The following RGS3 variants were observed in gnomAD, a reference collection of about 807,000 sequenced individuals.
RGS3 encodes the protein regulator of G protein signaling 3, also known as regulator of G-protein signalling 3.
A neutral mutation model predicts 132.6 loss-of-function variants in RGS3; 80 were observed. The observed-to-expected ratio is 0.60, with a 90% confidence interval of 0.50 to 0.73. RGS3 has a LOEUF of 0.73. Ranked by LOEUF, RGS3 falls within the 30% of genes least tolerant of loss-of-function variation. The probability of loss-of-function intolerance (pLI) is 0.00; values close to 1 mark genes in which losing one functional copy is unlikely to be tolerated. For missense variants in RGS3, 1,382 were observed against 1,530.8 expected (o/e 0.90, Z 1.62); for synonymous variants, 598 against 620.6 (o/e 0.96, Z 0.54).
At chr9:113,549,698 C>A (rs1294032874) in intron 19 of RGS3, among the ~76,000 whole-genome samples, 1 of 152,166 alleles carries the variant, frequency 6.6e-6, no homozygotes, top group Non-Finnish European at 1.5e-5. Context: ...TTCTAACCTG[C>A]TTTTTCTCCC....
chr9:113,463,591 C>A lies in RGS3; in HGVS notation c.415+1390C>A. The A allele has an allele frequency of 2.0e-6, 2 of 978,072 alleles. No individual in the cohort carries two copies. Among genetic ancestry groups the A allele is most frequent in the Admixed American group, 4.3e-5 (1 of 23,254 alleles). 60.6% of individuals were successfully genotyped at this position (978,072 alleles called of 1,614,324 possible). On this transcript the variant is annotated intron_variant, in intron 3 of 24. Coordinates refer to ENST00000350696, the Ensembl canonical transcript of RGS3. The surrounding 1 kb of genome is among the most constrained non-coding windows in gnomAD (Gnocchi z 4.6). ...GCGCGGGTCGGCGGCGCCGCCTCCCCCACCCCGGCCCAGCTCTGCTCCGGC... is the reference window on the plus strand; with the variant it reads ...GCGCGGGTCGGCGGCGCCGCCTCCCACACCCCGGCCCAGCTCTGCTCCGGC...
chr9:113,505,348 G>C lies in RGS3; in HGVS notation c.898-94G>C. The C allele has an allele frequency of 3.8e-6, 4 of 1,046,294 alleles. No homozygotes were observed. The South Asian group carries it at 4.0e-5, about 10-fold the overall frequency. The allele number at this position is 1,046,294 out of a possible 1,614,324, so 64.8% of individuals were successfully genotyped here. A position where few individuals can be genotyped will look rare whatever the true frequency, so the allele number is the denominator to read the frequency against. On this transcript the variant is annotated intron_variant, in intron 10 of 24. Coordinates refer to ENST00000350696, the Ensembl canonical transcript of RGS3. ...TCCAGTTCCCTTGGAGAGGAGGGTGGCTCTTGGCAGGGGTGGGCTGTGGGC... is the reference window on the plus strand; with the variant it reads ...TCCAGTTCCCTTGGAGAGGAGGGTGCCTCTTGGCAGGGGTGGGCTGTGGGC...
intron 3 of RGS3, among the ~76,000 whole-genome samples, chr9:113,467,498 T>A (rs1829682744): frequency 6.6e-6 from 1 of 152,264 alleles, no homozygotes; most frequent in South Asian, 2.1e-4. Context: ...TGAACATTTT[T>A]TCATGTGCTC....
chr9:113,487,100 C>CTTTTTTTTTTT (rs60523804), intron 7 of RGS3, among the ~76,000 whole-genome samples: 5 of 116,964 alleles, frequency 4.3e-5, no homozygotes, highest in Admixed American at 1.8e-4. Flanking sequence ...TCATTTAATT[C>CTTTTTTTTTTT]TTTTTTTTTT....
chr9:113,536,464 C>T (rs1355839141), intron 18 of RGS3: 3 of 1,027,512 alleles, frequency 2.9e-6, no homozygotes, highest in South Asian at 3.9e-5. Context: ...CGTGCTCCCT[C>T]AGCTGCTGCT....
At chr9:113,513,490 G>A (rs1020634358) in intron 14 of RGS3, among the ~76,000 whole-genome samples, 2 of 152,134 alleles carry the variant, frequency 1.3e-5, no homozygotes, top group African/African-American at 4.8e-5. Flanking sequence ...TTTTCCAAGT[G>A]GAGAAATCAC....
chr9:113,540,648 A>G (rs1157919864), intron 19 of RGS3, among the ~76,000 whole-genome samples: 2 of 152,256 alleles, frequency 1.3e-5, no homozygotes, highest in African/African-American at 4.8e-5. Context: ...GGGCAGACAC[A>G]GTGCAGTGGG....
At chr9:113,501,258 C>G (rs1421638265) in intron 10 of RGS3, 11 of 437,672 alleles carry the variant, frequency 2.5e-5, no homozygotes, top group Non-Finnish European at 4.0e-5. Flanking sequence ...ACAAAGTGGC[C>G]CATGGCGGAG....
chr9:113,538,758 C>T (rs559556226), intron 19 of RGS3, among the ~76,000 whole-genome samples: 12 of 152,150 alleles, frequency 7.9e-5, no homozygotes, highest in Non-Finnish European at 1.8e-4. Flanking sequence ...TCTTCAAACG[C>T]GTGTTCCATG....
At position 113,565,538 on chromosome 9, in the gene RGS3, T is replaced by C; in HGVS notation, c.2038-17912T>C. The C allele has an allele frequency of 4.7e-6, 2 of 429,418 alleles. No individual in the cohort carries two copies. The highest frequency in any genetic ancestry group is 8.2e-6 in the Non-Finnish European group (2 of 245,038). The allele number at this position is 429,418 out of a possible 1,614,324, so 26.6% of individuals were successfully genotyped here. A position where few individuals can be genotyped will look rare whatever the true frequency, so the allele number is the denominator to read the frequency against. On this transcript the variant is annotated intron_variant, in intron 19 of 24. Transcript: ENST00000350696. The surrounding 1 kb of genome is among the most constrained non-coding windows in gnomAD (Gnocchi z 5.7). ...AGCAGGTATCGCTCCCCTGGGGAACTTGGGTAAGTCCATAAATAGCTCTGC... is the reference window on the plus strand; with the variant it reads ...AGCAGGTATCGCTCCCCTGGGGAACCTGGGTAAGTCCATAAATAGCTCTGC...
intron 1 of RGS3, among the ~76,000 whole-genome samples, chr9:113,447,328 T>TATA (rs1829127813): frequency 1.4e-5 from 1 of 73,604 alleles, no homozygotes; most frequent in African/African-American, 4.8e-5. Flanking sequence ...TGTATGTATA[T>TATA]GTATATATAT....
intron 19 of RGS3, among the ~76,000 whole-genome samples, chr9:113,576,227 A>G (rs1200008538): frequency 6.6e-6 from 1 of 152,016 alleles, no homozygotes; most frequent in African/African-American, 2.4e-5. Context: ...AAACAAAAAA[A>G]TGAGTGTGTA....
At position 113,583,822 on chromosome 9, in the gene RGS3, C is replaced by T. The variant is rs1249285558; in HGVS notation, c.2410C>T (p.Gln804Ter). The change falls in exon 20 of 25, where the codon CAG becomes TAG. Residue 804 changes from glutamine (Q) to a stop codon, truncating the protein, a stop_gained. Transcript: ENST00000350696. LOFTEE classifies it high-confidence loss of function. The stretch of plus-strand genomic sequence containing the variant: ...ACTCACCAAAGACCTCCCTGCCATC[C>T]AGGAATCCCCCACCCGGGACCTTCC... The T allele has an allele frequency of 6.2e-7, 1 of 1,614,052 alleles. No homozygotes were observed.
At chr9:113,447,312 T>G (rs1829124136) in intron 1 of RGS3, among the ~76,000 whole-genome samples, 1 of 109,708 alleles carries the variant, frequency 9.1e-6, no homozygotes, top group Middle Eastern at 3.8e-3. Flanking sequence ...AACCAATAAA[T>G]TCTGATGTAT....
At chr9:113,456,367 C>T (rs2119150497), upstream of RGS3, among the ~76,000 whole-genome samples, 1 of 152,336 alleles carries the variant, frequency 6.6e-6, no homozygotes, top group Admixed American at 6.5e-5. Context: ...CCTTAGCAGG[C>T]TCACAGTTGA....
At chr9:113,477,937 C>G (rs1299720110) in intron 3 of RGS3, among the ~76,000 whole-genome samples, 1 of 152,170 alleles carries the variant, frequency 6.6e-6, no homozygotes, top group Non-Finnish European at 1.5e-5. Flanking sequence ...CTGAGTTCAG[C>G]AGCTTTTTGA....
chr9:113,495,294 C>T (rs1335688038), intron 7 of RGS3, among the ~76,000 whole-genome samples: 2 of 152,220 alleles, frequency 1.3e-5, no homozygotes, highest in African/African-American at 4.8e-5. Flanking sequence ...AGATTGGTCT[C>T]AGCAGCTTTT....
Position 113,591,141 on chromosome 9 carries a change from C to CCAGGCCGATTCCA in RGS3, c.3016-190_3016-178dup, listed in dbSNP as rs1835401118. On this transcript the variant is annotated intron_variant, in intron 20 of 24. Transcript: ENST00000350696. The surrounding 1 kb of genome is among the most constrained non-coding windows in gnomAD (Gnocchi z 4.4). ...GAGATCCCTGTGGCCGGAGAGTCTG[C>CCAGGCCGATTCCA]CAGGCCGATTCCACTTCATGGCCAG... is the stretch of plus-strand genomic sequence containing the variant. Among the ~76,000 whole-genome samples, 1 of 152,204 alleles carries CCAGGCCGATTCCA rather than the reference C, an allele frequency of 6.6e-6. No homozygotes were observed. Among genetic ancestry groups the CCAGGCCGATTCCA allele is most frequent in the South Asian group, 2.1e-4 (1 of 4,836 alleles).
At chr9:113,462,269 C>A in intron 3 of RGS3, 1 of 753,014 alleles carries the variant, frequency 1.3e-6, no homozygotes, top group Non-Finnish European at 1.8e-6. Flanking sequence ...CAGTGTTCAC[C>A]ATGTGTGTGT....
Sources: gnomAD v4.1 joint callset for allele counts (sites outside exome capture counted in the v4.1 genomes callset) on GRCh38, gnomAD v4.1.1 for gene constraint, Gnocchi (gnomAD v3.1) non-coding constraint, MANE v1.5 for transcripts, NCBI Gene and HGNC (gene_info 2026-07-23, HGNC 2026-07-21) for gene names.